Variants in PCDHGA4 observed in about 807,000 individuals in gnomAD.
PCDHGA4 encodes protocadherin gamma-A4.
PCDHGA4 carries 38 observed loss-of-function variants against 54.6 expected under a neutral mutation model. The ratio of observed to expected loss-of-function variants is 0.70; its 90% CI spans 0.54 to 0.91. PCDHGA4 has a LOEUF of 0.91. Ranked by LOEUF, PCDHGA4 falls within the 40% of genes least tolerant of loss-of-function variation. The pLI is 0.00. For missense variants in PCDHGA4, 1,298 were observed against 1,220.9 expected, an observed-to-expected ratio of 1.06 and a Z score of -0.94; for synonymous variants, 511 against 512.9, an observed-to-expected ratio of 1.00 and a Z score of 0.05.
Position 141,356,683 on chromosome 5 carries a change from A to G in PCDHGA4, c.1576A>G (p.Thr526Ala). ...AATCACTTACTCCCTGGCCGAAGAC[A>G]CCTTCCAGGGTGCACCTCTGTCCTC... The part of the protein sequence containing the change: ...ARITYSLAED[T>A]FQGAPLSSYV... The change falls in exon 1 of 4, where the codon ACC (threonine) becomes GCC (alanine). Residue 526 changes from threonine (T) to alanine (A), a missense_variant. Thr to Ala is a moderately conservative substitution (Grantham distance 58). Coordinates refer to ENST00000571252, the MANE Select transcript of PCDHGA4 (RefSeq NM_018917.4). 1 of 1,613,916 alleles carries G rather than the reference A, an allele frequency of 6.2e-7. No homozygotes were observed. The highest frequency in any genetic ancestry group is 8.5e-7 in the Non-Finnish European group (1 of 1,179,862).
At position 141,487,179 on chromosome 5, in the gene PCDHGA4, C is replaced by T. The variant is rs768886732; in HGVS notation, c.2515-7628C>T. Reference sequence around the variant, plus strand: ...CTCTTAGTGTCCTTAGAGGAAGACACTCATCCAGTTGTCCCAGATCTTCGA... The same window carrying T: ...CTCTTAGTGTCCTTAGAGGAAGACATTCATCCAGTTGTCCCAGATCTTCGA... On this transcript the variant is annotated intron_variant, in intron 1 of 3. Transcript: ENST00000571252. This position sits in a 1 kb window ranked among gnomAD's most constrained non-coding sequence, Gnocchi z 5.0. 6.2e-6 allele frequency: 10 copies of T among 1,613,474 alleles called. No individual in the cohort carries two copies. Among genetic ancestry groups the T allele is most frequent in the Non-Finnish European group, 6.8e-6 (8 of 1,179,370 alleles).
intron 1 of PCDHGA4, chr5:141,478,139 G>A: frequency 6.2e-7 from 1 of 1,614,040 alleles, no homozygotes; most frequent in Non-Finnish European, 8.5e-7. Context: ...TGAAGCCCGA[G>A]CCGAGTTCCC....
intron 1 of PCDHGA4, chr5:141,371,027 C>A: frequency 6.2e-7 from 1 of 1,613,992 alleles, no homozygotes; most frequent in South Asian, 1.1e-5. Context: ...ACCACCTGGT[C>A]CTCACAGCTG....
intron 1 of PCDHGA4, chr5:141,394,113 A>G: frequency 6.2e-7 from 1 of 1,613,950 alleles, no homozygotes; most frequent in Non-Finnish European, 8.5e-7. Flanking sequence ...ACCTCTGTCC[A>G]CTGAAACTCA....
chr5:141,418,125 G>T (rs765373450), intron 1 of PCDHGA4: 7 of 1,613,968 alleles, frequency 4.3e-6, no homozygotes, highest in African/African-American at 2.7e-5. Flanking sequence ...GTGAAGGACC[G>T]AATAGACCGT....
intron 1 of PCDHGA4, chr5:141,385,673 C>T (rs1253807650): frequency 2.6e-6 from 1 of 384,964 alleles, no homozygotes; most frequent in Non-Finnish European, 3.8e-6. Context: ...TAAAACACAC[C>T]TCAGCTGTCT....
Position 141,355,234 on chromosome 5 carries a change from C to A in PCDHGA4, c.127C>A (p.Arg43=). 6.2e-7 allele frequency: 1 copy of A among 1,612,190 alleles called. No homozygotes were observed. The highest frequency in any genetic ancestry group is 8.5e-7 in the Non-Finnish European group (1 of 1,179,258). ...GCCTCCTGCTCGCCCAGACCACACCCGGCTGCTCCAGATCTGCCTTCTCCT... is the reference window on the plus strand; with the variant it reads ...GCCTCCTGCTCGCCCAGACCACACCAGGCTGCTCCAGATCTGCCTTCTCCT... The part of the protein sequence containing the change: ...AAPPARPDHT[R]LLQICLLLGV... The change falls in exon 1 of 4, where the codon CGG becomes AGG. Residue 43 remains arginine (R), a synonymous_variant. Coordinates refer to ENST00000571252, the MANE Select transcript of PCDHGA4 (RefSeq NM_018917.4).
rs141556649 is a variant in PCDHGA4 at position 141,492,225 on chromosome 5, C to T, written c.2515-2582C>T. ...GTGTGCGCGCGGGGCTCATGCGTGT[C>T]CTCCCTGCTGGCCACCCCCACGGCC... On this transcript the variant is annotated intron_variant, in intron 1 of 3. Transcript: ENST00000571252. Among the ~76,000 whole-genome samples the T allele has an allele frequency of 2.4e-3, 361 of 152,274 alleles. No individual in the cohort carries two copies. In the Middle Eastern group the frequency reaches 0.024, roughly 10 times the overall value.
chr5:141,387,978 C>T, intron 1 of PCDHGA4: 1 of 1,487,640 alleles, frequency 6.7e-7, no homozygotes, highest in Non-Finnish European at 9.1e-7. Flanking sequence ...GCTCTGTGAG[C>T]AGATCCGCTA....
At chr5:141,403,306 A>C in intron 1 of PCDHGA4, 1 of 1,613,908 alleles carries the variant, frequency 6.2e-7, no homozygotes, top group Non-Finnish European at 8.5e-7. Context: ...AACTGTACGG[A>C]ATAGAAATAG....
chr5:141,441,819 G>A (rs1040935030), intron 1 of PCDHGA4: 6 of 359,092 alleles, frequency 1.7e-5, no homozygotes, highest in Non-Finnish European at 3.3e-5. Context: ...CCCCAGCTCT[G>A]GAGCGCAATG....
intron 1 of PCDHGA4, chr5:141,409,446 C>A: frequency 6.2e-7 from 1 of 1,613,984 alleles, no homozygotes; most frequent in Middle Eastern, 1.6e-4. Flanking sequence ...CGAGAGCAGA[C>A]ACCAGAATAC....
chr5:141,380,680 C>A (rs952566953), intron 1 of PCDHGA4, among the ~76,000 whole-genome samples: 2 of 152,184 alleles, frequency 1.3e-5, no homozygotes, highest in Middle Eastern at 3.2e-3. Context: ...GGTATGTATG[C>A]TTTGTGTTCG....
intron 1 of PCDHGA4, chr5:141,415,888 T>C: frequency 1.1e-6 from 1 of 940,220 alleles, no homozygotes; most frequent in South Asian, 2.9e-5. Flanking sequence ...ATATTGACAA[T>C]TCCTAAGACA....
rs761149166 is a variant in PCDHGA4 at position 141,510,977 on chromosome 5, G to C, written c.2693G>C (p.Gly898Ala). Residue 898 changes from glycine to alanine, a missense_variant, in exon 4 of 4, where the codon GGG (glycine) becomes GCG (alanine). Coordinates refer to ENST00000571252, the MANE Select transcript of PCDHGA4 (RefSeq NM_018917.4). Reference protein sequence around the residue: ...EAADGSSTLGGGAGTMGLSAR... With the variant: ...EAADGSSTLGAGAGTMGLSAR... ...GCTGATGGGAGCTCCACCCTGGGAG[G>C]GGGTGCCGGCACCATGGGATTGAGC... 9 of 1,614,052 alleles carry C rather than the reference G, an allele frequency of 5.6e-6. No individual in the cohort carries two copies. The Admixed American group carries it at 1.3e-4, about 24-fold the overall frequency.
In PCDHGA4 at chr5:141,365,348, G is replaced by A. The variant is rs770428432; in HGVS notation, c.2514+7727G>A. ...TAAGGTGGTGGTCACAGTACAGGAC[G>A]TGAATGACAATGCCCCCGAAGTGAT... On this transcript the variant is annotated intron_variant, in intron 1 of 3. Transcript: ENST00000571252. 4 of 1,613,954 alleles carry A rather than the reference G, an allele frequency of 2.5e-6. No homozygotes were observed. Among genetic ancestry groups the A allele is most frequent in the African/African-American group, 1.3e-5 (1 of 75,034 alleles).
chr5:141,510,916 G>C (rs1044988697), intron 3 of PCDHGA4, 31 bp from the exon 4 acceptor site: 2 of 1,613,714 alleles, frequency 1.2e-6, no homozygotes, highest in African/African-American at 1.3e-5. Flanking sequence ...CCTAAGTTTA[G>C]CTCCCACCTG....
rs756503177 is a variant in PCDHGA4 at position 141,364,980 on chromosome 5, G to A, written c.2514+7359G>A. ...GACCTCCTCCTCACAGCTTTAGATG[G>A]CGGAGACCCGGTACTCTCCGGCACC... On this transcript the variant is annotated intron_variant, in intron 1 of 3. Coordinates refer to ENST00000571252, the MANE Select transcript of PCDHGA4 (RefSeq NM_018917.4). 6 of 1,613,754 alleles carry A rather than the reference G, an allele frequency of 3.7e-6. No homozygotes were observed. The African/African-American group carries it at 4.0e-5, about 11-fold the overall frequency.
At chr5:141,504,381 T>C (rs1039838477) in intron 2 of PCDHGA4, among the ~76,000 whole-genome samples, 4 of 152,130 alleles carry the variant, frequency 2.6e-5, no homozygotes, top group Non-Finnish European at 5.9e-5. Context: ...GTGGAGTCGC[T>C]GCCTCACAGA....
Sources: allele counts gnomAD v4.1 joint callset (sites outside exome capture counted in the v4.1 genomes callset), GRCh38; gene constraint gnomAD v4.1.1; non-coding constraint Gnocchi (gnomAD v3.1); transcripts MANE v1.5; gene names NCBI Gene and HGNC (gene_info 2026-07-23, HGNC 2026-07-21).